Variants in MAPK10 observed in about 807,000 individuals in gnomAD.
The protein encoded by MAPK10 is mitogen-activated protein kinase 10.
MAPK10 carries 25 observed loss-of-function variants against 59.3 expected under a neutral mutation model. That is an observed-to-expected ratio of 0.42 (90% CI 0.31 to 0.59). MAPK10 has a LOEUF of 0.59. MAPK10 is among the 20% of genes least tolerant of loss of function. The pLI, the probability that MAPK10 is intolerant of heterozygous loss-of-function variation, is 0.15. For missense variants in MAPK10, 351 were observed against 568.9 expected, an observed-to-expected ratio of 0.62 and a Z score of 3.90; for synonymous variants, 190 against 200.5, an observed-to-expected ratio of 0.95 and a Z score of 0.44.
intron 1 of MAPK10, among the ~76,000 whole-genome samples, chr4:86,373,782 T>C (rs1430710981): frequency 1.3e-5 from 2 of 152,108 alleles, no homozygotes; most frequent in Non-Finnish European, 2.9e-5. Context: ...TGTGGAGAAA[T>C]AGGAACGCTT....
intron 1 of MAPK10, among the ~76,000 whole-genome samples, chr4:86,423,760 G>GATATATATATATATAT (rs772650050): frequency 0.01 from 1,207 of 116,762 alleles, 57 homozygotes; most frequent in African/African-American, 0.012. Context: ...TAATTAGTGG[G>GATATATATATATATAT]ATATATATAC....
chr4:86,419,922 C>T (rs1411992859), intron 1 of MAPK10, among the ~76,000 whole-genome samples: 1 of 152,198 alleles, frequency 6.6e-6, no homozygotes, highest in Admixed American at 6.5e-5. Flanking sequence ...TCTTAGTCAT[C>T]ATTGTAGCTC....
chr4:86,075,746 C>T (rs1321182492), intron 9 of MAPK10, among the ~76,000 whole-genome samples: 1 of 152,132 alleles, frequency 6.6e-6, no homozygotes, highest in Admixed American at 6.5e-5. Flanking sequence ...AGGCAGTCTG[C>T]CCATTCTCAG....
At chr4:86,050,274 T>C (rs918759889) in intron 11 of MAPK10, among the ~76,000 whole-genome samples, 10 of 152,222 alleles carry the variant, frequency 6.6e-5, no homozygotes, top group Non-Finnish European at 1.5e-4. Flanking sequence ...GTATCTTACT[T>C]ACTTACATAT....
intron 3 of MAPK10, among the ~76,000 whole-genome samples, chr4:86,161,020 A>G (rs2069441905): frequency 1.3e-5 from 2 of 151,964 alleles, no homozygotes. Context: ...AGGTGGCAAA[A>G]CCTACAAATC....
intron 3 of MAPK10, 112 bp from the exon 4 acceptor site, chr4:86,159,579 C>G: frequency 2.4e-6 from 2 of 827,730 alleles, no homozygotes; most frequent in South Asian, 2.0e-5. Context: ...CATCTATCAT[C>G]TAGTTCATGA....
chr4:86,327,028 T>C (rs2096039045), intron 2 of MAPK10: 1 of 152,304 alleles, frequency 6.6e-6, no homozygotes, highest in South Asian at 2.1e-4. Context: ...TGGAGTACAG[T>C]GATGTGATCA....
intron 2 of MAPK10, among the ~76,000 whole-genome samples, chr4:86,328,572 T>C (rs1338017716): frequency 6.6e-6 from 1 of 152,198 alleles, no homozygotes; most frequent in Non-Finnish European, 1.5e-5. Flanking sequence ...TGCAGCACTA[T>C]TTACAATAGT....
chr4:86,564,828 C>T (rs1760940567), intron 1 of MAPK10, among the ~76,000 whole-genome samples: 1 of 152,126 alleles, frequency 6.6e-6, no homozygotes, highest in African/African-American at 2.4e-5. Flanking sequence ...CAATCTCAAG[C>T]TACTCTGGAG....
intron 4 of MAPK10, chr4:86,152,090 C>T (rs2066617970): frequency 6.6e-6 from 1 of 152,178 alleles, no homozygotes; most frequent in South Asian, 2.1e-4. Flanking sequence ...CGTACAAGTC[C>T]CTCATCTCAG....
intron 2 of MAPK10, among the ~76,000 whole-genome samples, chr4:86,221,722 C>T (rs778688006): frequency 3.3e-5 from 5 of 152,190 alleles, no homozygotes; most frequent in East Asian, 3.9e-4. Context: ...AGGCTGGTCT[C>T]GAACTCTTGG....
upstream of MAPK10, among the ~76,000 whole-genome samples, chr4:86,362,346 T>A (rs975439628): frequency 6.6e-6 from 1 of 151,824 alleles, no homozygotes; most frequent in Non-Finnish European, 1.5e-5. Context: ...ATAATATAAC[T>A]TTTTTTAAAG....
At chr4:86,186,185 C>T (rs2078185156) in intron 3 of MAPK10, among the ~76,000 whole-genome samples, 1 of 152,048 alleles carries the variant, frequency 6.6e-6, no homozygotes, top group Admixed American at 6.6e-5. Flanking sequence ...ATTATTTCCT[C>T]CTTTTATAAA....
At chr4:86,297,941 T>C (rs368461867) in intron 2 of MAPK10, among the ~76,000 whole-genome samples, 5 of 152,298 alleles carry the variant, frequency 3.3e-5, no homozygotes, top group Admixed American at 2.0e-4. Flanking sequence ...ATGGCTGACA[T>C]CTCCTCACCT....
At chr4:86,487,863 A>T (rs1425887095) in intron 1 of MAPK10, among the ~76,000 whole-genome samples, 1 of 152,210 alleles carries the variant, frequency 6.6e-6, no homozygotes, top group Non-Finnish European at 1.5e-5. Context: ...AATAAAAAAG[A>T]TAAGAGGTGA....
intron 9 of MAPK10, among the ~76,000 whole-genome samples, chr4:86,069,778 T>C (rs2047439410): frequency 6.6e-6 from 1 of 152,102 alleles, no homozygotes; most frequent in Non-Finnish European, 1.5e-5. Flanking sequence ...AAAGAAGATG[T>C]CAGATTTTCT....
Position 86,017,017 on chromosome 4 carries a change from A to G in MAPK10, c.*211T>C. 1 of 473,458 alleles carries G rather than the reference A, an allele frequency of 2.1e-6. No individual in the cohort carries two copies. The highest frequency in any genetic ancestry group is 3.6e-5 in the East Asian group (1 of 27,964). The allele number at this position is 473,458 out of a possible 1,614,324, so 29.3% of individuals were successfully genotyped here. A position where few individuals can be genotyped will look rare whatever the true frequency, so the allele number is the denominator to read the frequency against. On this transcript the variant is annotated 3_prime_UTR_variant, in exon 14 of 14. Transcript: ENST00000641462. This position sits in a 1 kb window ranked among gnomAD's most constrained non-coding sequence, Gnocchi z 4.4. ...AGAAGACCAAAGCAAGAGCAACTAG[A>G]AGTTAAATATACATTTGAGCTTAGC...
chr4:86,217,571 C>G lies in MAPK10; in HGVS notation c.-6-23164G>C, dbSNP rs78070328. Among the ~76,000 whole-genome samples the G allele has an allele frequency of 2.9e-3, 448 of 152,272 alleles. 2 individuals carry two copies. Among genetic ancestry groups the G allele is most frequent in the African/African-American group, 0.01 (435 of 41,554 alleles). ...CTGCAAGAAACCCTATATACCATCA[C>G]CACAGCCATCATCCGACACACAGAA... On this transcript the variant is annotated intron_variant, in intron 2 of 13. Coordinates refer to ENST00000641462, the MANE Select transcript of MAPK10 (RefSeq NM_138982.4).
At chr4:86,041,662 C>T (rs142289032) in intron 11 of MAPK10, among the ~76,000 whole-genome samples, 25 of 152,238 alleles carry the variant, frequency 1.6e-4, no homozygotes, top group African/African-American at 5.8e-4. Flanking sequence ...GGGCGAAGGA[C>T]ATGAACAGAC....
Sources: allele counts gnomAD v4.1 joint callset (sites outside exome capture counted in the v4.1 genomes callset), GRCh38; gene constraint gnomAD v4.1.1; non-coding constraint Gnocchi (gnomAD v3.1); transcripts MANE v1.5; gene names NCBI Gene and HGNC (gene_info 2026-07-23, HGNC 2026-07-21).